The following KCNMA1 variants were observed in gnomAD, a reference collection of about 807,000 sequenced individuals.
KCNMA1 encodes the protein Calcium-activated potassium channel subunit alpha-1.
In KCNMA1, 29 loss-of-function variants were observed where a neutral mutation model predicts 140.0. The ratio of observed to expected loss-of-function variants is 0.21; its 90% confidence interval spans 0.15 to 0.28. The LOEUF (loss-of-function observed/expected upper bound fraction) is 0.28. KCNMA1 is among the 10% of genes least tolerant of loss of function. KCNMA1 has a pLI of 1.00. For synonymous variants in KCNMA1, 612 were observed against 611.9 expected (o/e 1.00, Z 0.00); for missense variants, 880 against 1,602.2 (o/e 0.55, Z 7.70).
chr10:77,338,161 C>T (rs1470503354), intron 2 of KCNMA1, among the ~76,000 whole-genome samples: 2 of 152,090 alleles, frequency 1.3e-5, no homozygotes, highest in Non-Finnish European at 2.9e-5. Flanking sequence ...AGGACTCAAG[C>T]CTCTCTTTGG....
intron 2 of KCNMA1, among the ~76,000 whole-genome samples, chr10:77,400,458 T>C (rs1376195182): frequency 1.3e-5 from 2 of 152,116 alleles, no homozygotes; most frequent in African/African-American, 2.4e-5. Flanking sequence ...CAGGACCAAA[T>C]TGGCTAAAAG....
rs551312748 is a variant in KCNMA1, at chr10:77,339,453, CAT to C, written c.540+64407_540+64408del. Reference sequence around the variant, plus strand: ...GAGACTCCAGTCTTGGTTTTCCAGACATAGCAGATGTGACTGTGTTTGTATCT... The same window carrying C: ...GAGACTCCAGTCTTGGTTTTCCAGACAGCAGATGTGACTGTGTTTGTATCT... On this transcript the variant is annotated intron_variant, in intron 2 of 27. Transcript: ENST00000286628. Among the ~76,000 whole-genome samples the C allele has an allele frequency of 2.4e-4, 36 of 152,280 alleles. 1 individual carries two copies. The East Asian group carries it at 5.8e-3, about 25-fold the overall frequency.
chr10:76,896,507 G>C (rs928364611), intron 25 of KCNMA1, among the ~76,000 whole-genome samples: 3 of 152,184 alleles, frequency 2.0e-5, no homozygotes, highest in Non-Finnish European at 4.4e-5. Context: ...AGCTTACAAA[G>C]ATGATGGGAT....
intron 5 of KCNMA1, among the ~76,000 whole-genome samples, chr10:77,141,477 C>T (rs2098168678): frequency 6.6e-6 from 1 of 152,184 alleles, no homozygotes; most frequent in Non-Finnish European, 1.5e-5. Context: ...TGCTCTTTCT[C>T]CCTCTCTGCC....
intron 22 of KCNMA1, among the ~76,000 whole-genome samples, chr10:76,947,778 C>A (rs1392518303): frequency 6.6e-6 from 1 of 152,180 alleles, no homozygotes; most frequent in South Asian, 2.1e-4. Context: ...CCTATTGTGT[C>A]AGGCATTATG....
intron 19 of KCNMA1, chr10:76,973,154 C>T (rs921101059): frequency 6.6e-6 from 1 of 152,166 alleles, no homozygotes; most frequent in African/African-American, 2.4e-5. Flanking sequence ...ACACCTCCAT[C>T]TATGGCATTT....
chr10:76,978,876 T>C (rs1425146871), intron 19 of KCNMA1, among the ~76,000 whole-genome samples: 2 of 152,264 alleles, frequency 1.3e-5, no homozygotes, highest in African/African-American at 4.8e-5. Context: ...AATCAATATT[T>C]ATACTGTCTT....
intron 1 of KCNMA1, among the ~76,000 whole-genome samples, chr10:77,421,633 T>C (rs1266290260): frequency 1.3e-5 from 2 of 152,264 alleles, no homozygotes; most frequent in Non-Finnish European, 2.9e-5. Flanking sequence ...TACCATTTCA[T>C]GTTTCATGAA....
At chr10:77,215,110 T>G (rs2154180007) in intron 3 of KCNMA1, among the ~76,000 whole-genome samples, 1 of 152,232 alleles carries the variant, frequency 6.6e-6, no homozygotes. Context: ...AGTGCAGCCC[T>G]TAGCCCCCAG....
chr10:77,083,184 C>A lies in KCNMA1; in HGVS notation c.1523+1453G>T, dbSNP rs1284150920. ...GGAAATCCCACTGAATTTAGCTCAA[C>A]TCTCCAGAAGCTTCCCTTTATCATT... On this transcript the variant is annotated intron_variant, in intron 12 of 27. Transcript: ENST00000286628. Among the ~76,000 whole-genome samples, 3 of 152,166 alleles carry A rather than the reference C, an allele frequency of 2.0e-5. No homozygotes were observed. In the East Asian group the frequency reaches 5.8e-4, roughly 29 times the overall value.
At chr10:77,095,333 G>T (rs943356136) in intron 9 of KCNMA1, among the ~76,000 whole-genome samples, 2 of 152,152 alleles carry the variant, frequency 1.3e-5, no homozygotes, top group Admixed American at 6.5e-5. Flanking sequence ...TTGGGCAAAG[G>T]TAACATAAAA....
chr10:77,024,033 T>C (rs4980122), intron 16 of KCNMA1, among the ~76,000 whole-genome samples: 108,622 of 152,146 alleles, frequency 0.71, 39,906 homozygotes, highest in Middle Eastern at 0.85. Context: ...ATATATTTCG[T>C]ACATACAAAA....
intron 3 of KCNMA1, among the ~76,000 whole-genome samples, chr10:77,241,260 G>A (rs1356407532): frequency 6.6e-6 from 1 of 152,148 alleles, no homozygotes; most frequent in Non-Finnish European, 1.5e-5. Flanking sequence ...AGTGCCTGAG[G>A]CCACTGTACT....
intron 5 of KCNMA1, among the ~76,000 whole-genome samples, chr10:77,136,958 A>C (rs1337574286): frequency 1.3e-5 from 2 of 152,170 alleles, no homozygotes; most frequent in African/African-American, 4.8e-5. Flanking sequence ...TTTCCCTTCG[A>C]AACTTGCTGC....
chr10:77,167,854 T>A (rs2098660714), intron 5 of KCNMA1, among the ~76,000 whole-genome samples: 1 of 151,990 alleles, frequency 6.6e-6, no homozygotes. Flanking sequence ...GGCTAATTTT[T>A]GTATTTTTTG....
intron 5 of KCNMA1, among the ~76,000 whole-genome samples, chr10:77,161,235 A>G (rs576420702): frequency 7.2e-5 from 11 of 152,270 alleles, no homozygotes; most frequent in African/African-American, 2.4e-4. Context: ...ATATGGACTC[A>G]CTGGTATATC....
chr10:77,261,359 C>T (rs1018678599), intron 2 of KCNMA1, among the ~76,000 whole-genome samples: 4 of 152,096 alleles, frequency 2.6e-5, no homozygotes, highest in Non-Finnish European at 5.9e-5. Context: ...AAAGAAGAAT[C>T]TGGGACATGA....
chr10:77,549,879 C>G (rs2062348812), intron 1 of KCNMA1, among the ~76,000 whole-genome samples: 1 of 152,224 alleles, frequency 6.6e-6, no homozygotes, highest in Admixed American at 6.5e-5. Flanking sequence ...GAAGGTGAAG[C>G]TGGAGAGAGT....
intron 5 of KCNMA1, among the ~76,000 whole-genome samples, chr10:77,138,187 G>A (rs1279869192): frequency 6.6e-6 from 1 of 152,164 alleles, no homozygotes; most frequent in Non-Finnish European, 1.5e-5. Flanking sequence ...TTTGAATAGA[G>A]GAGCCAGTAA....
Sources: allele counts gnomAD v4.1 joint callset (sites outside exome capture counted in the v4.1 genomes callset), GRCh38; gene constraint gnomAD v4.1.1; transcripts MANE v1.5; gene names NCBI Gene and HGNC (gene_info 2026-07-23, HGNC 2026-07-21).